The following PLA2G6 variants were observed in gnomAD, a reference collection of about 807,000 sequenced individuals.
PLA2G6 encodes 85/88 kDa calcium-independent phospholipase A2.
In PLA2G6, 62 loss-of-function variants were observed where a neutral mutation model predicts 83.8. The ratio of observed to expected loss-of-function variants is 0.74; its 90% confidence interval spans 0.60 to 0.91. PLA2G6 has a LOEUF of 0.91. Ranked by LOEUF, PLA2G6 falls within the 40% of genes least tolerant of loss-of-function variation. PLA2G6 has a pLI of 0.00. For missense variants in PLA2G6, 944 were observed against 1,102.0 expected, an observed-to-expected ratio of 0.86 and a Z score of 2.03; for synonymous variants, 417 against 449.8, an observed-to-expected ratio of 0.93 and a Z score of 0.92.
chr22:38,126,304 A>C, intron 10 of PLA2G6, 67 bp downstream of exon 10: 2 of 1,211,110 alleles, frequency 1.7e-6, no homozygotes, highest in Non-Finnish European at 2.5e-6. Flanking sequence ...AGCCCACAAC[A>C]GGGGGTGGGT....
In PLA2G6 at chr22:38,123,326, A is replaced by ATAG; in HGVS notation, c.1428-71_1428-69dup. 1 of 1,481,482 alleles carries ATAG rather than the reference A, an allele frequency of 6.7e-7. No homozygotes were observed. Among genetic ancestry groups the ATAG allele is most frequent in the Non-Finnish European group, 9.2e-7 (1 of 1,086,420 alleles). The allele number at this position is 1,481,482 out of a possible 1,614,324, so 91.8% of individuals were successfully genotyped here. A position where few individuals can be genotyped will look rare whatever the true frequency, so the allele number is the denominator to read the frequency against. On this transcript the variant is annotated intron_variant, in intron 10 of 16. Coordinates refer to ENST00000332509, the MANE Select transcript of PLA2G6 (RefSeq NM_003560.4). This position sits in a 1 kb window ranked among gnomAD's most constrained non-coding sequence, Gnocchi z 4.1. ...AGCCCAGTACTTTACATCCACCCTC[A>ATAG]TAGCCCTTGTCCCCTGCAGCTGTGT...
chr22:38,168,736 G>A (rs1301135857), intron 2 of PLA2G6, among the ~76,000 whole-genome samples: 2 of 152,230 alleles, frequency 1.3e-5, no homozygotes, highest in Admixed American at 6.5e-5. Flanking sequence ...TGTAATCCCA[G>A]CTACTCAGGA....
intron 2 of PLA2G6, among the ~76,000 whole-genome samples, chr22:38,159,354 G>A (rs1352419385): frequency 2.6e-5 from 4 of 152,066 alleles, no homozygotes; most frequent in African/African-American, 4.8e-5. Context: ...TAAAGAAATC[G>A]AATCCATGTT....
rs200966258 is a variant in PLA2G6, at chr22:38,148,859, CTTTTTTTTTTTTTT to C, written c.210-3220_210-3207del. On this transcript the variant is annotated intron_variant, in intron 2 of 16. Transcript: ENST00000332509. Reference sequence around the variant, plus strand: ...CATCAAACTAGGCTCTAGATTATTTCTTTTTTTTTTTTTTTTTTTTTTTTTGAGACGGAGTCTCG... The same window carrying C: ...CATCAAACTAGGCTCTAGATTATTTCTTTTTTTTTTTGAGACGGAGTCTCG... 941 of 151,898 alleles carry C rather than the reference CTTTTTTTTTTTTTT, an allele frequency of 6.2e-3. 6 individuals are homozygous for C. The highest frequency in any genetic ancestry group is 0.039 in the South Asian group (320 of 8,198). 9.4% of individuals were successfully genotyped at this position (151,898 alleles called of 1,614,324 possible).
In PLA2G6 at chr22:38,145,468, C is replaced by T. The variant is rs763734863; in HGVS notation, c.395G>A (p.Arg132His). The T allele has an allele frequency of 2.4e-5, 38 of 1,610,740 alleles. No individual in the cohort carries two copies. The Middle Eastern group carries it at 1.4e-3, about 61-fold the overall frequency. ...VAHLAVELGI[R>H]ECFHHSRIIS... ...GATACGGCTGTGATGGAAGCACTCGCGGATCCCTAGCTCCACAGCCAGGTG... is the reference window on the plus strand; with the variant it reads ...GATACGGCTGTGATGGAAGCACTCGTGGATCCCTAGCTCCACAGCCAGGTG... The change falls in exon 3 of 17, where the codon CGC (arginine) becomes CAC (histidine). Residue 132 changes from arginine (R) to histidine (H), a missense_variant. By Grantham distance (29) the Arg-to-His change is conservative (BLOSUM62 0). Transcript: ENST00000332509.
intron 6 of PLA2G6, 40 bp from the exon 7 acceptor site, chr22:38,133,053 G>T: frequency 6.5e-7 from 1 of 1,535,714 alleles, no homozygotes; most frequent in South Asian, 1.2e-5. Context: ...CAGGCACTCG[G>T]GGAGCTGCCG....
chr22:38,172,045 C>T (rs1311307248), intron 1 of PLA2G6, among the ~76,000 whole-genome samples: 1 of 152,088 alleles, frequency 6.6e-6, no homozygotes, highest in Middle Eastern at 3.2e-3. Context: ...CACATCTGTA[C>T]TATCACAGCC....
At chr22:38,157,837 C>T (rs2145881489) in intron 2 of PLA2G6, among the ~76,000 whole-genome samples, 1 of 152,116 alleles carries the variant, frequency 6.6e-6, no homozygotes, top group East Asian at 1.9e-4. Context: ...GGTGTCGAGA[C>T]CAGCCTGGCC....
At chr22:38,127,494 G>A in intron 9 of PLA2G6, 1 of 1,233,822 alleles carries the variant, frequency 8.1e-7, no homozygotes, top group Non-Finnish European at 1.1e-6. Context: ...GAGGTGGAGG[G>A]GGAGTTCCTG....
At chr22:38,141,444 A>ATG (rs1236383543) in intron 4 of PLA2G6, 1 of 152,258 alleles carries the variant, frequency 6.6e-6, no homozygotes. Context: ...CAGTGTACCC[A>ATG]TGTGACACCA....
Position 38,132,586 on chromosome 22 carries a change from C to T in PLA2G6, c.1077+245G>A, listed in dbSNP as rs1569263322. The T allele has an allele frequency of 6.9e-6, 4 of 576,818 alleles. No individual in the cohort carries two copies. In the East Asian group the frequency reaches 1.1e-4, roughly 17 times the overall value. The allele number at this position is 576,818 out of a possible 1,614,324, so 35.7% of individuals were successfully genotyped here. ...TTTCCCTCTCGTGCCATGCAAGTGCCAAATGGGGGCACAGGTGGAAAAGGT... is the reference window on the plus strand; with the variant it reads ...TTTCCCTCTCGTGCCATGCAAGTGCTAAATGGGGGCACAGGTGGAAAAGGT... On this transcript the variant is annotated intron_variant, in intron 7 of 16. Coordinates refer to ENST00000332509, the MANE Select transcript of PLA2G6 (RefSeq NM_003560.4). The surrounding 1 kb of genome is among the most constrained non-coding windows in gnomAD (Gnocchi z 5.0).
intron 1 of PLA2G6, among the ~76,000 whole-genome samples, chr22:38,175,528 C>T (rs919121337): frequency 2.6e-5 from 4 of 152,256 alleles, no homozygotes; most frequent in Non-Finnish European, 5.9e-5. Flanking sequence ...TCTCAGTGCA[C>T]TTGGGGATAC....
At chr22:38,180,742 T>TA (rs1226486559) in intron 1 of PLA2G6, among the ~76,000 whole-genome samples, 2 of 152,180 alleles carry the variant, frequency 1.3e-5, no homozygotes, top group Admixed American at 1.3e-4. Context: ...CTACATTTTC[T>TA]CATTCAAATT....
intron 2 of PLA2G6, among the ~76,000 whole-genome samples, chr22:38,167,268 T>C (rs1410224863): frequency 1.3e-5 from 2 of 149,944 alleles, no homozygotes; most frequent in South Asian, 2.1e-4. Context: ...CTGTAAACTA[T>C]AAAGTACCAC....
chr22:38,114,928 C>T (rs1204503481), intron 14 of PLA2G6, among the ~76,000 whole-genome samples: 2 of 152,198 alleles, frequency 1.3e-5, no homozygotes, highest in Non-Finnish European at 2.9e-5. Context: ...TCAGCCACCG[C>T]GCTCGCCCAC....
At chr22:38,176,665 G>T (rs73154425) in intron 1 of PLA2G6, among the ~76,000 whole-genome samples, 8,076 of 152,190 alleles carry the variant, frequency 0.053, 328 homozygotes, top group East Asian at 0.14. Context: ...ACCGGCCTCC[G>T]TCCTCTCACA....
At chr22:38,129,655 C>T in intron 7 of PLA2G6, 93 bp from the exon 8 acceptor site, 2 of 876,296 alleles carry the variant, frequency 2.3e-6, no homozygotes, top group Non-Finnish European at 3.9e-6. Flanking sequence ...TGTCAACTCA[C>T]CCAGCGGGCC....
At chr22:38,178,322 G>C (rs1478500507) in intron 1 of PLA2G6, among the ~76,000 whole-genome samples, 1 of 152,168 alleles carries the variant, frequency 6.6e-6, no homozygotes, top group African/African-American at 2.4e-5. Flanking sequence ...TGTAATCCCA[G>C]CACTTTAGGA....
chr22:38,155,890 C>T (rs186226238), intron 2 of PLA2G6, among the ~76,000 whole-genome samples: 6 of 152,138 alleles, frequency 3.9e-5, no homozygotes, highest in East Asian at 1.9e-4. Flanking sequence ...AGTGGCAGAA[C>T]GGATAGAAAA....
Sources: allele counts gnomAD v4.1 joint callset (sites outside exome capture counted in the v4.1 genomes callset), GRCh38; gene constraint gnomAD v4.1.1; non-coding constraint Gnocchi (gnomAD v3.1); transcripts MANE v1.5; gene names NCBI Gene and HGNC (gene_info 2026-07-23, HGNC 2026-07-21).